SELENOF: variants seen among roughly 807,000 people sequenced by gnomAD.
SELENOF encodes 15 kDa selenoprotein.
Under a neutral mutation model 20.5 loss-of-function variants are expected in SELENOF, and 16 were observed. The observed-to-expected ratio is 0.78, with a 90% CI of 0.53 to 1.19. SELENOF has a LOEUF of 1.19. SELENOF is among the 50% of genes most tolerant of loss of function. The pLI is 0.00. For missense variants in SELENOF, 215 were observed against 194.2 expected (o/e 1.11, Z -0.64); for synonymous variants, 78 against 74.5 (o/e 1.05, Z -0.24).
intron 1 of SELENOF, among the ~76,000 whole-genome samples, chr1:86,909,647 C>T (rs1659925480): frequency 6.6e-6 from 1 of 151,686 alleles, no homozygotes; most frequent in East Asian, 1.9e-4. Flanking sequence ...GGGATACTAA[C>T]ACACACACAC....
rs60714256 is a variant in SELENOF, at chr1:86,866,230, C to CTGTGTGTGTGTGTG, written c.366+1809_366+1822dup. ...AAAAAAAAAAAAAAAGTGTGTGTCT[C>CTGTGTGTGTGTGTG]TGTGTGTGTGTGTGTGTGTGTGTGT... On this transcript the variant is annotated intron_variant, in intron 4 of 4. Transcript: ENST00000331835. Among the ~76,000 whole-genome samples the CTGTGTGTGTGTGTG allele has an allele frequency of 9.6e-3, 1,095 of 113,656 alleles. 17 individuals are homozygous for CTGTGTGTGTGTGTG. The highest frequency in any genetic ancestry group is 0.033 in the East Asian group (118 of 3,604). 74.6% of individuals were successfully genotyped at this position (113,656 alleles called of 152,430 possible). A position where few individuals can be genotyped will look rare whatever the true frequency, so the allele number is the denominator to read the frequency against.
chr1:86,866,230 C>CTGTCTGTG (rs1658591017), intron 4 of SELENOF, among the ~76,000 whole-genome samples: 3 of 113,680 alleles, frequency 2.6e-5, no homozygotes, highest in Non-Finnish European at 3.4e-5. Context: ...GTGTGTGTCT[C>CTGTCTGTG]TGTGTGTGTG....
intron 3 of SELENOF, among the ~76,000 whole-genome samples, chr1:86,878,211 A>G (rs1658973367): frequency 6.6e-6 from 1 of 152,206 alleles, no homozygotes; most frequent in Non-Finnish European, 1.5e-5. Flanking sequence ...AATATAGGTA[A>G]AACATACCAA....
chr1:86,867,860 A>G (rs1048754181), intron 4 of SELENOF, among the ~76,000 whole-genome samples, 193 bp downstream of exon 4: 2 of 152,146 alleles, frequency 1.3e-5, no homozygotes, highest in African/African-American at 4.8e-5. Context: ...AATTTTCATA[A>G]ACCTAAAAGT....
chr1:86,867,800 TG>T (rs1658647201), intron 4 of SELENOF, among the ~76,000 whole-genome samples: 1 of 32,046 alleles, frequency 3.1e-5, no homozygotes. Flanking sequence ...AAACTGAGGG[TG>T]GGGGTGGGGG....
chr1:86,899,098 T>TG (rs1659604144), intron 2 of SELENOF, among the ~76,000 whole-genome samples: 2 of 150,250 alleles, frequency 1.3e-5, no homozygotes, highest in South Asian at 4.2e-4. Context: ...CACAAGGTTG[T>TG]GGGGTAAGGT....
chr1:86,887,336 C>T (rs931501331), intron 2 of SELENOF: 18 of 1,007,080 alleles, frequency 1.8e-5, no homozygotes, highest in Middle Eastern at 3.3e-4. Flanking sequence ...AAATACAAAG[C>T]AATGAGTTTA....
chr1:86,883,900 T>C (rs960691712), intron 2 of SELENOF, among the ~76,000 whole-genome samples: 14 of 152,170 alleles, frequency 9.2e-5, no homozygotes, highest in African/African-American at 3.4e-4. Context: ...AAATATCAAC[T>C]GATTAACCAA....
intron 1 of SELENOF, among the ~76,000 whole-genome samples, chr1:86,905,047 A>G (rs1038552962): frequency 2.0e-5 from 3 of 152,214 alleles, no homozygotes; most frequent in African/African-American, 7.2e-5. Flanking sequence ...AATCTGCAAC[A>G]CTGAAACTTA....
Position 86,907,655 on chromosome 1 carries a change from A to C in SELENOF, c.85-4207T>G, listed in dbSNP as rs138451010. Among the ~76,000 whole-genome samples, 604 of 152,326 alleles carry C rather than the reference A, an allele frequency of 4.0e-3. 2 individuals are homozygous for C. The highest frequency in any genetic ancestry group is 0.014 in the African/African-American group (583 of 41,556). ...GACAGGGTTCCTGGCTAGGATAACCATTTAGCTTTCTCTATTTCAAAGCAG... is the reference window on the plus strand; with the variant it reads ...GACAGGGTTCCTGGCTAGGATAACCCTTTAGCTTTCTCTATTTCAAAGCAG... On this transcript the variant is annotated intron_variant, in intron 1 of 4. Transcript: ENST00000331835.
chr1:86,912,102 T>C (rs1421869813), intron 1 of SELENOF, among the ~76,000 whole-genome samples: 1 of 152,130 alleles, frequency 6.6e-6, no homozygotes, highest in Non-Finnish European at 1.5e-5. Flanking sequence ...ATTGGGAAGC[T>C]GACAAAGGCA....
At chr1:86,865,173 G>T (rs1485318279) in intron 4 of SELENOF, among the ~76,000 whole-genome samples, 1 of 151,870 alleles carries the variant, frequency 6.6e-6, no homozygotes, top group Non-Finnish European at 1.5e-5. Context: ...TAAAGAACTT[G>T]TATTCAAAAT....
At chr1:86,881,809 C>A (rs1659077105) in intron 2 of SELENOF, among the ~76,000 whole-genome samples, 1 of 152,166 alleles carries the variant, frequency 6.6e-6, no homozygotes, top group Non-Finnish European at 1.5e-5. Flanking sequence ...TGGGGAGTCA[C>A]TGACCCTTCT....
chr1:86,899,847 C>T (rs1236802834), intron 2 of SELENOF, among the ~76,000 whole-genome samples: 62 of 145,050 alleles, frequency 4.3e-4, no homozygotes, highest in African/African-American at 1.6e-3. Flanking sequence ...GGTTGCCAGG[C>T]GGAGGGTCTC....
chr1:86,893,355 A>G (rs1027567711), intron 2 of SELENOF, among the ~76,000 whole-genome samples: 2 of 151,974 alleles, frequency 1.3e-5, no homozygotes, highest in Non-Finnish European at 2.9e-5. Context: ...CTGTAATCCC[A>G]GCACTTTGGG....
At chr1:86,879,158 CAAGT>C (rs1415676140) in intron 3 of SELENOF, among the ~76,000 whole-genome samples, 4 of 151,902 alleles carry the variant, frequency 2.6e-5, no homozygotes, top group African/African-American at 7.2e-5. Context: ...TTTAATAAAA[CAAGT>C]AAGTATAAAT....
intron 2 of SELENOF, among the ~76,000 whole-genome samples, chr1:86,895,621 T>C (rs897852833): frequency 2.6e-5 from 4 of 152,240 alleles, no homozygotes; most frequent in South Asian, 4.1e-4. Context: ...TCTGGTTCTA[T>C]AGTCTATCTT....
intron 4 of SELENOF, among the ~76,000 whole-genome samples, chr1:86,867,384 C>T (rs918305713): frequency 2.6e-5 from 4 of 151,876 alleles, no homozygotes; most frequent in African/African-American, 9.7e-5. Flanking sequence ...TAAAGCTGCT[C>T]AGGAAGCTGA....
chr1:86,888,105 C>T (rs1659273926), intron 2 of SELENOF, among the ~76,000 whole-genome samples: 1 of 151,934 alleles, frequency 6.6e-6, no homozygotes, highest in South Asian at 2.1e-4. Context: ...CATAAAAATA[C>T]AAAAATTAGC....
Sources: gnomAD v4.1 joint callset for allele counts (sites outside exome capture counted in the v4.1 genomes callset) on GRCh38, gnomAD v4.1.1 for gene constraint, MANE v1.5 for transcripts, NCBI Gene and HGNC (gene_info 2026-07-23, HGNC 2026-07-21) for gene names.